TRIM25: variants seen among roughly 807,000 people sequenced by gnomAD.
The protein encoded by TRIM25 is E3 ubiquitin/ISG15 ligase TRIM25.
Under a neutral mutation model 65.2 loss-of-function variants are expected in TRIM25, and 45 were observed. That is an observed-to-expected ratio of 0.69 (90% CI 0.54 to 0.89). The LOEUF is 0.89. Among genes scored for constraint, TRIM25 ranks in the 40% least tolerant of loss-of-function variants. TRIM25 has a pLI of 0.00. For missense variants in TRIM25, 714 were observed against 803.7 expected (o/e 0.89, Z 1.35); for synonymous variants, 321 against 340.4 (o/e 0.94, Z 0.63).
At chr17:56,908,399 C>T (rs772750738) in intron 2 of TRIM25, 69 bp downstream of exon 2, 301 of 1,495,668 alleles carry the variant, frequency 2.0e-4, no homozygotes, top group Non-Finnish European at 2.6e-4. Flanking sequence ...GTCAGAGCCA[C>T]GCCCATCCCG....
chr17:56,909,643 T>A (rs1169654665), intron 1 of TRIM25, among the ~76,000 whole-genome samples: 2 of 142,894 alleles, frequency 1.4e-5, no homozygotes, highest in East Asian at 4.2e-4. Context: ...TGAGATGGCA[T>A]CACTGCACTC....
chr17:56,906,588 G>T (rs527328888), intron 2 of TRIM25, among the ~76,000 whole-genome samples: 1 of 152,080 alleles, frequency 6.6e-6, no homozygotes, highest in Non-Finnish European at 1.5e-5. Context: ...CTGCCTCCCG[G>T]GTTCAAGTAA....
At position 56,899,302 on chromosome 17, in the gene TRIM25, C is replaced by T. The variant is rs1909363706; in HGVS notation, c.1088-122G>A. ...CAGACAGCCATTTCCTCCGACCTTC[C>T]CCATCCCATCGCTTACAAGAGCTAC... is the stretch of plus-strand genomic sequence containing the variant. On this transcript the variant is annotated intron_variant, in intron 4 of 8. Coordinates refer to ENST00000316881, the MANE Select transcript of TRIM25 (RefSeq NM_005082.5). The T allele has an allele frequency of 1.0e-5, 9 of 894,524 alleles. No homozygotes were observed. The South Asian group carries it at 1.4e-4, about 14-fold the overall frequency. The allele number at this position is 894,524 out of a possible 1,614,324, so 55.4% of individuals were successfully genotyped here. A position where few individuals can be genotyped will look rare whatever the true frequency, so the allele number is the denominator to read the frequency against.
At chr17:56,901,115 A>G (rs1158886831) in intron 4 of TRIM25, among the ~76,000 whole-genome samples, 1 of 152,212 alleles carries the variant, frequency 6.6e-6, no homozygotes, top group Non-Finnish European at 1.5e-5. Context: ...ACACAATAAC[A>G]AGCCCTAGCT....
At chr17:56,906,843 C>T (rs928401558) in intron 2 of TRIM25, among the ~76,000 whole-genome samples, 7 of 152,194 alleles carry the variant, frequency 4.6e-5, no homozygotes, top group African/African-American at 1.7e-4. Flanking sequence ...CTACAAGTGT[C>T]CCCCAGTGTT....
At chr17:56,900,604 T>C (rs1909392211) in intron 4 of TRIM25, among the ~76,000 whole-genome samples, 1 of 152,124 alleles carries the variant, frequency 6.6e-6, no homozygotes, top group African/African-American at 2.4e-5. Context: ...AGGAGTTAAT[T>C]AGTGAAGACG....
intron 1 of TRIM25, among the ~76,000 whole-genome samples, chr17:56,911,620 G>A (rs1909631514): frequency 1.3e-5 from 2 of 152,100 alleles, no homozygotes; most frequent in Admixed American, 1.3e-4. Flanking sequence ...AGGCCCCATG[G>A]TAGCACACCT....
rs1909166626 is a variant in TRIM25 at position 56,891,429 on chromosome 17, C to A, written c.*271G>T. ...CACTTCCCAGAGCTCTGCCCAGCTG[C>A]CCAGCAGCCTGGAGATTTCCAGAAC... On this transcript the variant is annotated 3_prime_UTR_variant, in exon 9 of 9. Coordinates refer to ENST00000316881, the MANE Select transcript of TRIM25 (RefSeq NM_005082.5). The A allele has an allele frequency of 2.1e-6, 1 of 480,266 alleles. No homozygotes were observed. The highest frequency in any genetic ancestry group is 3.5e-5 in the Admixed American group (1 of 28,388). The allele number at this position is 480,266 out of a possible 1,614,324, so 29.8% of individuals were successfully genotyped here.
intron 2 of TRIM25, among the ~76,000 whole-genome samples, chr17:56,905,338 T>G (rs1909499253): frequency 6.6e-6 from 1 of 152,192 alleles, no homozygotes; most frequent in Non-Finnish European, 1.5e-5. Flanking sequence ...CACTCCAGCC[T>G]GGGAGACACA....
chr17:56,907,938 G>A (rs939373949), intron 2 of TRIM25, among the ~76,000 whole-genome samples: 3 of 152,198 alleles, frequency 2.0e-5, no homozygotes, highest in South Asian at 4.1e-4. Context: ...AAAAGCCAAG[G>A]AATGCCTGAG....
In TRIM25 at chr17:56,895,433, T is replaced by C. The variant is rs2144350263; in HGVS notation, c.1273A>G (p.Lys425Glu). 6.2e-7 allele frequency: 1 copy of C among 1,614,168 alleles called. No homozygotes were observed. The highest frequency in any genetic ancestry group is 8.5e-7 in the Non-Finnish European group (1 of 1,180,016). ...LKQAGLEAAA[K>E]ATSSHPNSTS... Reference sequence around the variant, plus strand: ...GAGTTCGGATGTGAGCTGGTGGCTTTGGCTGCAGCTGGGAGAGGAAACAGA... The same window carrying C: ...GAGTTCGGATGTGAGCTGGTGGCTTCGGCTGCAGCTGGGAGAGGAAACAGA... The change falls in exon 8 of 9, where the codon AAA becomes GAA. Residue 425 changes from lysine to glutamate, a missense_variant. Lys to Glu is a moderately conservative substitution (Grantham distance 56). Transcript: ENST00000316881.
chr17:56,899,807 C>G (rs1909374273), intron 4 of TRIM25, among the ~76,000 whole-genome samples: 1 of 152,216 alleles, frequency 6.6e-6, no homozygotes, highest in Non-Finnish European at 1.5e-5. Flanking sequence ...AGGCCAGGCA[C>G]AGTGGCTCAA....
At chr17:56,896,165 G>A (rs1219486149) in intron 5 of TRIM25, among the ~76,000 whole-genome samples, 1 of 152,172 alleles carries the variant, frequency 6.6e-6, no homozygotes, top group African/African-American at 2.4e-5. Flanking sequence ...TAAGGAGCAT[G>A]AAGGAATTTT....
At chr17:56,903,627 T>A (rs1443800797) in intron 3 of TRIM25, among the ~76,000 whole-genome samples, 1 of 152,016 alleles carries the variant, frequency 6.6e-6, no homozygotes, top group Non-Finnish European at 1.5e-5. Context: ...GGACGGTGAA[T>A]GAAATAGGAT....
intron 5 of TRIM25, among the ~76,000 whole-genome samples, chr17:56,896,967 G>C (rs1463964676): frequency 2.0e-5 from 3 of 151,902 alleles, no homozygotes; most frequent in Non-Finnish European, 4.4e-5. Context: ...GTTTTAATTA[G>C]CCTGGCTTAG....
intron 5 of TRIM25, 53 bp downstream of exon 5, chr17:56,899,062 T>C: frequency 1.9e-6 from 3 of 1,604,130 alleles, no homozygotes; most frequent in Non-Finnish European, 2.6e-6. Flanking sequence ...GGCCAGAGCC[T>C]GGGGAGGCCA....
At position 56,895,393 on chromosome 17, in the gene TRIM25, G is replaced by A; in HGVS notation, c.1313C>T (p.Ala438Val). The change falls in exon 8 of 9, where the codon GCC (alanine) becomes GTC (valine). Residue 438 changes from alanine (A) to valine (V), a missense_variant. Around this residue, in one of 3 missense-constraint regions of TRIM25, gnomAD observed 413 missense variants for 498.2 expected, o/e 0.83. Coordinates refer to ENST00000316881, the MANE Select transcript of TRIM25 (RefSeq NM_005082.5). ...SSHPNSTSLK[A>V]KVLETFLAKS... ...GGCCAGGAAGGTCTCCAGCACCTTGGCCTTGAGAGATGTTGAGTTCGGATG... is the reference window on the plus strand; with the variant it reads ...GGCCAGGAAGGTCTCCAGCACCTTGACCTTGAGAGATGTTGAGTTCGGATG... 6.2e-7 allele frequency: 1 copy of A among 1,614,170 alleles called. No individual in the cohort carries two copies.
intron 8 of TRIM25, among the ~76,000 whole-genome samples, chr17:56,893,937 C>A (rs1297643814): frequency 6.6e-6 from 1 of 152,196 alleles, no homozygotes. Flanking sequence ...AATGCAGTGG[C>A]ACGAGGATTA....
intron 4 of TRIM25, among the ~76,000 whole-genome samples, chr17:56,899,580 C>T (rs1249045281): frequency 6.6e-6 from 1 of 152,162 alleles, no homozygotes; most frequent in African/African-American, 2.4e-5. Flanking sequence ...TATTCTTTCT[C>T]TCCCCTCCTC....
Sources: allele counts gnomAD v4.1 joint callset (sites outside exome capture counted in the v4.1 genomes callset), GRCh38; gene constraint gnomAD v4.1.1; regional missense constraint gnomAD v4.1.1; transcripts MANE v1.5; gene names NCBI Gene and HGNC (gene_info 2026-07-23, HGNC 2026-07-21).